NUP214: variants seen among roughly 807,000 people sequenced by gnomAD.
The protein encoded by NUP214 is nuclear pore complex protein Nup214.
NUP214 carries 79 observed loss-of-function variants against 196.2 expected under a neutral mutation model. The observed-to-expected ratio is 0.40, with a 90% CI of 0.34 to 0.49. NUP214 has a LOEUF of 0.49. NUP214 is among the 20% of genes least tolerant of loss of function. The pLI is 0.58. For synonymous variants in NUP214, 1,020 were observed against 990.5 expected (o/e 1.03, Z -0.56); for missense variants, 2,468 against 2,539.0 (o/e 0.97, Z 0.60).
At chr9:131,142,405 C>T (rs1422323330) in intron 11 of NUP214, among the ~76,000 whole-genome samples, 3 of 152,194 alleles carry the variant, frequency 2.0e-5, no homozygotes. Flanking sequence ...AGAAGAGAGC[C>T]CCTGCGGGGA....
At chr9:131,136,391 G>A in intron 9 of NUP214, 1 of 165,016 alleles carries the variant, frequency 6.1e-6, no homozygotes, top group Non-Finnish European at 1.3e-5. Flanking sequence ...AGAGTGCCTT[G>A]GCCAAATGGC....
chr9:131,151,957 C>A, intron 17 of NUP214, 63 bp downstream of exon 17: 1 of 1,325,024 alleles, frequency 7.5e-7, no homozygotes. Context: ...CAATTGCTAC[C>A]TCTTTTTGCA....
chr9:131,150,092 C>A, intron 14 of NUP214: 1 of 430,504 alleles, frequency 2.3e-6, no homozygotes, highest in Non-Finnish European at 4.2e-6. Context: ...CAACATGTCC[C>A]AGTAGGAGGT....
intron 7 of NUP214, among the ~76,000 whole-genome samples, chr9:131,134,364 T>A (rs1831650943): frequency 6.6e-6 from 1 of 152,200 alleles, no homozygotes; most frequent in Non-Finnish European, 1.5e-5. Context: ...TGAGATTGTG[T>A]GTCAAGGGAG....
At chr9:131,174,890 G>C (rs1443384882) in intron 22 of NUP214, among the ~76,000 whole-genome samples, 1 of 152,202 alleles carries the variant, frequency 6.6e-6, no homozygotes, top group East Asian at 1.9e-4. Context: ...CAGTTTTTCT[G>C]CTGAGCCAGC....
intron 31 of NUP214, among the ~76,000 whole-genome samples, chr9:131,216,812 C>G (rs1302334048): frequency 2.6e-5 from 4 of 152,326 alleles, no homozygotes; most frequent in Admixed American, 2.6e-4. Context: ...CAGGCGTGAG[C>G]CACCGTGCTC....
At chr9:131,185,228 G>A (rs1833421195) in intron 24 of NUP214, among the ~76,000 whole-genome samples, 1 of 152,210 alleles carries the variant, frequency 6.6e-6, no homozygotes, top group Non-Finnish European at 1.5e-5. Context: ...CATGGAACAT[G>A]TGTGCATTTG....
intron 33 of NUP214, chr9:131,228,601 G>A (rs765792939): frequency 3.0e-6 from 1 of 333,884 alleles, no homozygotes; most frequent in Non-Finnish European, 5.4e-6. Flanking sequence ...TTCTCCTGCT[G>A]GGGCTAAAGG....
At chr9:131,150,047 A>T (rs1832210249) in intron 14 of NUP214, 1 of 260,096 alleles carries the variant, frequency 3.8e-6, no homozygotes, top group Admixed American at 4.7e-5. Context: ...TTGTTCTCCA[A>T]CTGAAATTAT....
chr9:131,160,856 G>A (rs1470363257), intron 18 of NUP214, among the ~76,000 whole-genome samples: 1 of 152,224 alleles, frequency 6.6e-6, no homozygotes, highest in Non-Finnish European at 1.5e-5. Context: ...TCTAAGGGGA[G>A]AATTCTGTGG....
At chr9:131,186,413 G>A (rs781251640) in intron 24 of NUP214, among the ~76,000 whole-genome samples, 6 of 152,100 alleles carry the variant, frequency 3.9e-5, no homozygotes, top group Admixed American at 1.3e-4. Context: ...ATTTTCTTCC[G>A]TGAGGCACAG....
chr9:131,184,003 T>A (rs1833367449), intron 24 of NUP214, among the ~76,000 whole-genome samples: 1 of 150,470 alleles, frequency 6.6e-6, no homozygotes, highest in African/African-American at 2.4e-5. Context: ...GTATTTTTTC[T>A]TTTCTTTTTC....
At position 131,129,325 on chromosome 9, in the gene NUP214, A is replaced by C; in HGVS notation, c.440A>C (p.Asp147Ala). The change falls in exon 4 of 36, where the codon GAT (aspartate) becomes GCT (alanine). Residue 147 changes from aspartate (D) to alanine (A), a missense_variant. By Grantham distance (126) the Asp-to-Ala change is moderately radical. Around this residue, in one of 5 missense-constraint regions of NUP214, gnomAD observed 392 missense variants for 417.9 expected, o/e 0.94. Transcript: ENST00000359428. ...TTTGCCTATCATAAGCTTTTGAAAG[A>C]TGCAGGAGGCATGGTGATTGATATG... ...RPFAYHKLLK[D>A]AGGMVIDMKW... 7 of 1,614,234 alleles carry C rather than the reference A, an allele frequency of 4.3e-6. No homozygotes were observed. Among genetic ancestry groups the C allele is most frequent in the Non-Finnish European group, 5.9e-6 (7 of 1,180,050 alleles).
rs540052744 is a variant in NUP214, at chr9:131,172,398, G to T, written c.2894-1657G>T. On this transcript the variant is annotated intron_variant, in intron 21 of 35. Coordinates refer to ENST00000359428, the MANE Select transcript of NUP214 (RefSeq NM_005085.4). ...TGTCCTTCACCCACTTTTGGATGGG[G>T]TTGTTTGTTTTTTCCTTGTAAATTT... Among the ~76,000 whole-genome samples, 4 of 152,336 alleles carry T rather than the reference G, an allele frequency of 2.6e-5. No homozygotes were observed. In the South Asian group the frequency reaches 8.3e-4, roughly 32 times the overall value.
intron 4 of NUP214, among the ~76,000 whole-genome samples, chr9:131,130,138 T>TG (rs1491558594): frequency 3.6e-4 from 3 of 8,348 alleles, no homozygotes; most frequent in South Asian, 7.7e-3. Flanking sequence ...TCTGGTTTTG[T>TG]TTTTTTTTTT....
chr9:131,181,738 G>T (rs956907017), intron 24 of NUP214, among the ~76,000 whole-genome samples: 1 of 152,178 alleles, frequency 6.6e-6, no homozygotes, highest in East Asian at 1.9e-4. Context: ...CTCTCATCAA[G>T]CATATGATTT....
chr9:131,232,661 C>A lies in NUP214; in HGVS notation c.6239+353C>A. On this transcript the variant is annotated intron_variant, in intron 35 of 35. Transcript: ENST00000359428. This position sits in a 1 kb window ranked among gnomAD's most constrained non-coding sequence, Gnocchi z 5.1. The stretch of plus-strand genomic sequence containing the variant: ...TAACCCCTGGGCTCTGGGCCATCAC[C>A]AGGTCTCATGTGTTGATCCACCCTC... 2.5e-6 allele frequency: 1 copy of A among 397,608 alleles called. No individual in the cohort carries two copies. Among genetic ancestry groups the A allele is most frequent in the Non-Finnish European group, 4.7e-6 (1 of 212,450 alleles). 24.6% of individuals were successfully genotyped at this position (397,608 alleles called of 1,614,324 possible).
At chr9:131,202,607 G>A (rs1471797104) in intron 30 of NUP214, among the ~76,000 whole-genome samples, 1 of 149,152 alleles carries the variant, frequency 6.7e-6, no homozygotes, top group African/African-American at 2.5e-5. Context: ...TTTTCTTTTT[G>A]TGTTTTTGGT....
At position 131,178,932 on chromosome 9, in the gene NUP214, G is replaced by A. The variant is rs147909752; in HGVS notation, c.3419+522G>A. The stretch of plus-strand genomic sequence containing the variant: ...CATGTTTGAGGGCTGGATTGTTGCT[G>A]GTGGAGCTCACTTGTTTTTTTGGTG... On this transcript the variant is annotated intron_variant, in intron 24 of 35. Coordinates refer to ENST00000359428, the MANE Select transcript of NUP214 (RefSeq NM_005085.4). 1.9e-3 allele frequency among the ~76,000 whole-genome samples: 294 copies of A among 152,136 alleles called. 3 individuals are homozygous for A. The highest frequency in any genetic ancestry group is 6.8e-3 in the African/African-American group (281 of 41,510).
Sources: allele counts gnomAD v4.1 joint callset (sites outside exome capture counted in the v4.1 genomes callset), GRCh38; gene constraint gnomAD v4.1.1; regional missense constraint gnomAD v4.1.1; non-coding constraint Gnocchi (gnomAD v3.1); transcripts MANE v1.5; gene names NCBI Gene and HGNC (gene_info 2026-07-23, HGNC 2026-07-21).